The following NOX4 variants were observed in gnomAD, a reference collection of about 807,000 sequenced individuals.
The protein encoded by NOX4 is kidney oxidase-1.
NOX4 carries 69 observed loss-of-function variants against 87.6 expected under a neutral mutation model. The ratio of observed to expected loss-of-function variants is 0.79; its 90% CI spans 0.65 to 0.96. The LOEUF (loss-of-function observed/expected upper bound fraction) is 0.96, where lower values mean the gene tolerates loss of function less well. NOX4 is among the 40% of genes least tolerant of loss of function. The pLI is 0.00. For synonymous variants in NOX4, 275 were observed against 238.2 expected, an observed-to-expected ratio of 1.15 and a Z score of -1.42; for missense variants, 680 against 681.5, an observed-to-expected ratio of 1.00 and a Z score of 0.02.
At chr11:89,363,050 T>G (rs966375258) in intron 12 of NOX4, among the ~76,000 whole-genome samples, 2 of 152,088 alleles carry the variant, frequency 1.3e-5, no homozygotes, top group Non-Finnish European at 2.9e-5. Context: ...TTTAAATAAT[T>G]TTGTAATTGC....
the NOX4 span, among the ~76,000 whole-genome samples, chr11:89,554,089 T>C: frequency 6.6e-6 from 1 of 151,500 alleles, no homozygotes; most frequent in Non-Finnish European, 1.5e-5. Flanking sequence ...CAAAAGGATG[T>C]ATTTTTTTTT....
the NOX4 span, among the ~76,000 whole-genome samples, chr11:89,523,841 A>G: frequency 6.6e-6 from 1 of 152,212 alleles, no homozygotes; most frequent in South Asian, 2.1e-4. Context: ...GAATAATCTC[A>G]AAATCATTAT....
At chr11:89,493,952 A>G (rs1003539427), upstream of NOX4, among the ~76,000 whole-genome samples, 3 of 151,924 alleles carry the variant, frequency 2.0e-5, no homozygotes, top group African/African-American at 7.3e-5. Flanking sequence ...ACGGGGTTTC[A>G]CCACATTGGC....
the NOX4 span, among the ~76,000 whole-genome samples, chr11:89,580,663 T>C: frequency 6.6e-6 from 1 of 152,228 alleles, no homozygotes; most frequent in African/African-American, 2.4e-5. Flanking sequence ...TGGGGAATTA[T>C]ATTATATTGA....
At chr11:89,371,097 A>T (rs1939408909) in intron 12 of NOX4, among the ~76,000 whole-genome samples, 1 of 152,040 alleles carries the variant, frequency 6.6e-6, no homozygotes, top group Non-Finnish European at 1.5e-5. Context: ...TTCTTTTAGA[A>T]TAAAAACCAA....
intron 2 of NOX4, among the ~76,000 whole-genome samples, chr11:89,458,657 C>G (rs1228731180): frequency 6.6e-6 from 1 of 152,022 alleles, no homozygotes; most frequent in Non-Finnish European, 1.5e-5. Flanking sequence ...TCAAAAGACA[C>G]TTTTCCAAAG....
chr11:89,383,967 A>T (rs1940496421), intron 11 of NOX4, among the ~76,000 whole-genome samples: 1 of 152,154 alleles, frequency 6.6e-6, no homozygotes, highest in East Asian at 1.9e-4. Context: ...ACTCAACACC[A>T]ATATCCCATC....
the NOX4 span, among the ~76,000 whole-genome samples, chr11:89,562,554 C>T: frequency 6.6e-6 from 1 of 152,106 alleles, no homozygotes; most frequent in East Asian, 1.9e-4. Flanking sequence ...TAACATGGCA[C>T]ATAAGATAAA....
chr11:89,444,682 C>A (rs922812624), intron 4 of NOX4, among the ~76,000 whole-genome samples: 1 of 152,004 alleles, frequency 6.6e-6, no homozygotes, highest in Admixed American at 6.6e-5. Flanking sequence ...ACTTCCCTAC[C>A]CCATAAGGTA....
chr11:89,425,628 T>C (rs983880421), intron 7 of NOX4, among the ~76,000 whole-genome samples: 2 of 151,882 alleles, frequency 1.3e-5, no homozygotes, highest in Non-Finnish European at 2.9e-5. Flanking sequence ...AAAATACATA[T>C]GTATATAAGA....
At chr11:89,491,068 G>T in intron 1 of NOX4, 122 bp downstream of exon 1, 1 of 1,004,238 alleles carries the variant, frequency 1.0e-6, no homozygotes, top group Non-Finnish European at 1.5e-6. Flanking sequence ...TTTGTAAGTT[G>T]AGAATGTTCG....
intron 6 of NOX4, among the ~76,000 whole-genome samples, chr11:89,438,763 T>C (rs1944248732): frequency 1.4e-5 from 1 of 72,406 alleles, no homozygotes; most frequent in Admixed American, 2.7e-4. Flanking sequence ...TATAATATAA[T>C]ATAATATAAT....
intron 2 of NOX4, among the ~76,000 whole-genome samples, chr11:89,483,682 C>A (rs1946482232): frequency 6.6e-6 from 1 of 151,930 alleles, no homozygotes; most frequent in Non-Finnish European, 1.5e-5. Context: ...TTCAAGAGAT[C>A]TATTGTACAA....
chr11:89,533,183 T>C, the NOX4 span, among the ~76,000 whole-genome samples: 2 of 152,244 alleles, frequency 1.3e-5, no homozygotes, highest in Admixed American at 6.5e-5. Flanking sequence ...TAGGCACTTA[T>C]ATGAGGTATA....
intron 12 of NOX4, among the ~76,000 whole-genome samples, chr11:89,363,787 T>C (rs1488627534): frequency 6.6e-6 from 1 of 152,086 alleles, no homozygotes; most frequent in South Asian, 2.1e-4. Context: ...CAAGCGAATG[T>C]CCTTTATTAC....
chr11:89,520,567 A>G, the NOX4 span, among the ~76,000 whole-genome samples: 28 of 152,132 alleles, frequency 1.8e-4, no homozygotes, highest in Non-Finnish European at 3.2e-4. Context: ...AGAGCCATTT[A>G]TGACAAACCA....
At chr11:89,432,674 A>G in intron 7 of NOX4, 110 bp downstream of exon 7, 1 of 742,546 alleles carries the variant, frequency 1.3e-6, no homozygotes, top group South Asian at 1.6e-5. Context: ...TTACTTACCC[A>G]GAATAGTCCA....
the NOX4 span, among the ~76,000 whole-genome samples, chr11:89,568,281 A>G: frequency 6.6e-6 from 1 of 152,208 alleles, no homozygotes; most frequent in Non-Finnish European, 1.5e-5. Flanking sequence ...AAATAAATAC[A>G]ATAGATTAAC....
At chr11:89,573,626 A>G in the NOX4 span, among the ~76,000 whole-genome samples, 2 of 152,236 alleles carry the variant, frequency 1.3e-5, no homozygotes, top group Non-Finnish European at 2.9e-5. Context: ...TTACCTCCTC[A>G]GAAGAAAGAA....
Sources: gnomAD v4.1 joint callset for allele counts (sites outside exome capture counted in the v4.1 genomes callset) on GRCh38, gnomAD v4.1.1 for gene constraint, MANE v1.5 for transcripts, NCBI Gene and HGNC (gene_info 2026-07-23, HGNC 2026-07-21) for gene names.